ZPLD1: variants seen among roughly 807,000 people sequenced by gnomAD.
ZPLD1 encodes the protein zona pellucida like domain containing 1.
In ZPLD1, 34 loss-of-function variants were observed where a neutral mutation model predicts 47.2. The ratio of observed to expected loss-of-function variants is 0.72; its 90% CI spans 0.55 to 0.96. The LOEUF (loss-of-function observed/expected upper bound fraction) is 0.96. Among genes scored for constraint, ZPLD1 ranks in the 40% least tolerant of loss-of-function variants. The pLI is 0.00. For missense variants in ZPLD1, 512 were observed against 505.8 expected, an observed-to-expected ratio of 1.01 and a Z score of -0.12; for synonymous variants, 176 against 186.2, an observed-to-expected ratio of 0.95 and a Z score of 0.45.
chr3:102,387,224 C>A (rs1242848167), intron 6 of ZPLD1, among the ~76,000 whole-genome samples: 1 of 152,118 alleles, frequency 6.6e-6, no homozygotes, highest in Non-Finnish European at 1.5e-5. Flanking sequence ...CAAGTCTCCC[C>A]AAATCTACCA....
upstream of ZPLD1, among the ~76,000 whole-genome samples, chr3:102,431,368 T>A (rs1298894421): frequency 2.0e-5 from 3 of 152,212 alleles, no homozygotes; most frequent in Non-Finnish European, 2.9e-5. Flanking sequence ...GGCATTATTC[T>A]GAAAGTACAT....
chr3:102,441,322 T>C (rs1707174361), intron 3 of ZPLD1, among the ~76,000 whole-genome samples: 1 of 152,212 alleles, frequency 6.6e-6, no homozygotes, highest in African/African-American at 2.4e-5. Flanking sequence ...CAATGGCATC[T>C]ACTGACCACC....
chr3:102,478,603 A>G lies in ZPLD1; in HGVS notation c.*985A>G, dbSNP rs1443200280. 6.6e-6 allele frequency: 1 copy of G among 152,150 alleles called. No individual in the cohort carries two copies. Among genetic ancestry groups the G allele is most frequent in the African/African-American group, 2.4e-5 (1 of 41,438 alleles). 9.4% of individuals were successfully genotyped at this position (152,150 alleles called of 1,614,324 possible). Reference sequence around the variant, plus strand: ...TACATAAAAAGATATTCCTTCCCCCATATTTTCGATGCCAGGCAATAATCA... The same window carrying G: ...TACATAAAAAGATATTCCTTCCCCCGTATTTTCGATGCCAGGCAATAATCA... On this transcript the variant is annotated 3_prime_UTR_variant, in exon 12 of 12. Coordinates refer to ENST00000466937, the MANE Select transcript of ZPLD1 (RefSeq NM_001329788.2).
At chr3:102,412,678 G>C (rs1225504855) in intron 7 of ZPLD1, among the ~76,000 whole-genome samples, 1 of 151,698 alleles carries the variant, frequency 6.6e-6, no homozygotes, top group Non-Finnish European at 1.5e-5. Context: ...TCAACATAAG[G>C]ATGAATTTGC....
chr3:102,466,435 T>C lies in ZPLD1; in HGVS notation c.761+2184T>C, dbSNP rs535812404. Among the ~76,000 whole-genome samples the C allele has an allele frequency of 3.3e-5, 5 of 152,130 alleles. No homozygotes were observed. In the South Asian group the frequency reaches 1.0e-3, roughly 32 times the overall value. ...TATTCTACAGGAAAAATATCGAAAA[T>C]GGCAGAAAAGAAAATTTAAAGGTGA... On this transcript the variant is annotated intron_variant, in intron 8 of 11. Transcript: ENST00000466937.
At chr3:102,406,023 C>A (rs2107295306) in intron 7 of ZPLD1, among the ~76,000 whole-genome samples, 1 of 152,016 alleles carries the variant, frequency 6.6e-6, no homozygotes, top group South Asian at 2.1e-4. Flanking sequence ...AATTAACTGT[C>A]TTTGGAAATG....
intron 6 of ZPLD1, among the ~76,000 whole-genome samples, chr3:102,387,456 T>A (rs557644452): frequency 1.3e-5 from 2 of 152,136 alleles, no homozygotes; most frequent in Non-Finnish European, 2.9e-5. Flanking sequence ...TTTAAAAAAA[T>A]TTATATTAGG....
intron 7 of ZPLD1, among the ~76,000 whole-genome samples, chr3:102,417,558 G>T (rs1215789965): frequency 2.6e-5 from 4 of 151,892 alleles, no homozygotes; most frequent in Admixed American, 1.3e-4. Flanking sequence ...GCTTCCTCTT[G>T]ACAATTGGGT....
intron 6 of ZPLD1, among the ~76,000 whole-genome samples, chr3:102,387,369 C>T (rs1262235142): frequency 6.6e-6 from 1 of 152,226 alleles, no homozygotes; most frequent in East Asian, 1.9e-4. Context: ...TAGAGAATTA[C>T]ACATAGTAAA....
intron 10 of ZPLD1, among the ~76,000 whole-genome samples, chr3:102,474,022 G>T (rs1208543713): frequency 6.6e-6 from 1 of 152,144 alleles, no homozygotes; most frequent in African/African-American, 2.4e-5. Flanking sequence ...GTAGAGTTCA[G>T]TAAGTTGTTA....
rs78288450 is a variant in ZPLD1, at chr3:102,446,808, T to C, written c.107-6111T>C. Reference sequence around the variant, plus strand: ...TCTCTAGTATATCATTATCAGGCTGTATTGTAATTGCTTACTTTTCTTCTG... The same window carrying C: ...TCTCTAGTATATCATTATCAGGCTGCATTGTAATTGCTTACTTTTCTTCTG... On this transcript the variant is annotated intron_variant, in intron 3 of 11. Transcript: ENST00000466937. Among the ~76,000 whole-genome samples the C allele has an allele frequency of 1.9e-3, 285 of 152,354 alleles. 2 individuals carry two copies. The highest frequency in any genetic ancestry group is 6.5e-3 in the African/African-American group (271 of 41,596).
At chr3:102,395,845 T>C (rs866905820) in intron 7 of ZPLD1, among the ~76,000 whole-genome samples, 12 of 152,208 alleles carry the variant, frequency 7.9e-5, no homozygotes, top group Non-Finnish European at 1.8e-4. Flanking sequence ...TGTATATTCC[T>C]ATCCTTTTAA....
upstream of ZPLD1, among the ~76,000 whole-genome samples, chr3:102,433,489 T>C (rs544678710): frequency 7.2e-5 from 11 of 152,326 alleles, no homozygotes; most frequent in East Asian, 1.9e-4. Context: ...TTAAAACTTA[T>C]AAGTATTACA....
chr3:102,431,038 A>G (rs554458065), upstream of ZPLD1, among the ~76,000 whole-genome samples: 2 of 152,334 alleles, frequency 1.3e-5, no homozygotes, highest in African/African-American at 4.8e-5. Context: ...GAAAGCTTTT[A>G]AAGTGACTTA....
At chr3:102,470,559 C>T in intron 10 of ZPLD1, 57 bp downstream of exon 10, 1 of 1,422,452 alleles carries the variant, frequency 7.0e-7, no homozygotes, top group East Asian at 2.3e-5. Flanking sequence ...TGCCTCGTTA[C>T]TTGGCTTCTA....
intron 10 of ZPLD1, among the ~76,000 whole-genome samples, chr3:102,471,627 C>T (rs1402287445): frequency 6.6e-6 from 1 of 152,148 alleles, no homozygotes; most frequent in Non-Finnish European, 1.5e-5. Flanking sequence ...CAGAGACTTT[C>T]AGAGTCCATT....
At chr3:102,389,905 C>T (rs377345298) in intron 6 of ZPLD1, among the ~76,000 whole-genome samples, 7 of 152,188 alleles carry the variant, frequency 4.6e-5, no homozygotes, top group South Asian at 2.1e-4. Flanking sequence ...AGAAGAATTA[C>T]TAAGAATTAT....
In ZPLD1 at chr3:102,477,619, C is replaced by CT; in HGVS notation, c.*2dup. Reference sequence around the variant, plus strand: ...CATAAGAAACCCAGTCTTTGACTGACTATAACAGATTCCTGCTCTCTGGAG... The same window carrying CT: ...CATAAGAAACCCAGTCTTTGACTGACTTATAACAGATTCCTGCTCTCTGGAG... On this transcript the variant is annotated 3_prime_UTR_variant, in exon 12 of 12. Transcript: ENST00000466937. The CT allele has an allele frequency of 6.2e-7, 1 of 1,608,356 alleles. No individual in the cohort carries two copies. Among genetic ancestry groups the CT allele is most frequent in the Non-Finnish European group, 8.5e-7 (1 of 1,177,758 alleles).
chr3:102,443,279 A>G (rs1707208888), intron 3 of ZPLD1, among the ~76,000 whole-genome samples: 1 of 152,184 alleles, frequency 6.6e-6, no homozygotes, highest in African/African-American at 2.4e-5. Flanking sequence ...AAATAATACT[A>G]ATAAGGAAAC....
Sources: allele counts gnomAD v4.1 joint callset (sites outside exome capture counted in the v4.1 genomes callset), GRCh38; gene constraint gnomAD v4.1.1; transcripts MANE v1.5; gene names NCBI Gene and HGNC (gene_info 2026-07-23, HGNC 2026-07-21).